Variants in STK33 observed in about 807,000 individuals in gnomAD.
The protein encoded by STK33 is serine/threonine-protein kinase 33.
STK33 carries 52 observed loss-of-function variants against 58.0 expected under a neutral mutation model. The observed-to-expected ratio is 0.90, with a 90% CI of 0.72 to 1.13. The LOEUF is 1.13. Ranked by LOEUF, STK33 falls within the 50% of genes most tolerant of loss-of-function variation. STK33 has a pLI of 0.00. For synonymous variants in STK33, 215 were observed against 200.1 expected (o/e 1.07, Z -0.63); for missense variants, 630 against 604.2 (o/e 1.04, Z -0.45).
At chr11:8,349,908 C>T in the STK33 span, among the ~76,000 whole-genome samples, 2 of 152,372 alleles carry the variant, frequency 1.3e-5, no homozygotes, top group African/African-American at 2.4e-5. Flanking sequence ...AAATCATGTG[C>T]GTCCTCATCT....
At chr11:8,439,739 G>T (rs910007468) in intron 12 of STK33, among the ~76,000 whole-genome samples, 2 of 151,408 alleles carry the variant, frequency 1.3e-5, no homozygotes, top group African/African-American at 4.9e-5. Context: ...AACTGGAAAG[G>T]CATTCTGGAA....
chr11:8,572,343 G>C (rs914450887), intron 1 of STK33, among the ~76,000 whole-genome samples: 2 of 152,062 alleles, frequency 1.3e-5, no homozygotes, highest in Non-Finnish European at 2.9e-5. Flanking sequence ...GTCTCAAAAG[G>C]CTTCATCTGA....
chr11:8,522,074 C>T (rs1279046398), intron 1 of STK33, among the ~76,000 whole-genome samples: 1 of 152,186 alleles, frequency 6.6e-6, no homozygotes, highest in Middle Eastern at 3.2e-3. Flanking sequence ...GTGGCAATTC[C>T]TCAAGTATCT....
intron 9 of STK33, among the ~76,000 whole-genome samples, chr11:8,455,701 C>T (rs552229844): frequency 4.0e-5 from 6 of 149,534 alleles, no homozygotes; most frequent in Non-Finnish European, 5.9e-5. Flanking sequence ...GTCCCAGCTA[C>T]TCGGGAGGCT....
chr11:8,464,069 C>T (rs1947880178), intron 7 of STK33, among the ~76,000 whole-genome samples: 1 of 152,124 alleles, frequency 6.6e-6, no homozygotes, highest in African/African-American at 2.4e-5. Flanking sequence ...GGGGAAAACA[C>T]CATAATGTTG....
At chr11:8,375,672 C>T in the STK33 span, among the ~76,000 whole-genome samples, 1 of 152,010 alleles carries the variant, frequency 6.6e-6, no homozygotes. Flanking sequence ...GGGTGGTTTC[C>T]CCCATGCTGT....
chr11:8,518,398 G>A (rs1439180138), intron 1 of STK33, among the ~76,000 whole-genome samples: 1 of 152,200 alleles, frequency 6.6e-6, no homozygotes, highest in Non-Finnish European at 1.5e-5. Flanking sequence ...ATGCCAAATT[G>A]TAAAGACCAT....
chr11:8,496,387 A>G (rs539295426), intron 1 of STK33, among the ~76,000 whole-genome samples: 2 of 152,288 alleles, frequency 1.3e-5, no homozygotes, highest in East Asian at 3.9e-4. Flanking sequence ...TGGTGCTTCT[A>G]TGATTAGACT....
At position 8,427,593 on chromosome 11, in the gene STK33, CACTTTT is replaced by C. The variant is rs1221651300; in HGVS notation, c.1146+7895_1146+7900del. 6.6e-5 allele frequency among the ~76,000 whole-genome samples: 10 copies of C among 152,066 alleles called. No individual in the cohort carries two copies. The East Asian group carries it at 1.5e-3, about 24-fold the overall frequency. ...GAGACTCCTATTAGATGGATTTTGG[CACTTTT>C]ACTTTTAACCCCATATATCTTTTCT... On this transcript the variant is annotated intron_variant, in intron 14 of 15. Coordinates refer to ENST00000687296, the MANE Select transcript of STK33 (RefSeq NM_001352389.2).
At chr11:8,520,881 G>A (rs1179637787) in intron 1 of STK33, among the ~76,000 whole-genome samples, 5 of 152,042 alleles carry the variant, frequency 3.3e-5, no homozygotes, top group African/African-American at 1.2e-4. Flanking sequence ...TATGCTCATG[G>A]ATAGGAAGAA....
At chr11:8,498,552 A>T (rs1439250624) in intron 1 of STK33, among the ~76,000 whole-genome samples, 1 of 152,246 alleles carries the variant, frequency 6.6e-6, no homozygotes, top group Non-Finnish European at 1.5e-5. Flanking sequence ...CCATCAAGCT[A>T]CCATTGATTT....
At chr11:8,576,230 T>C (rs1958174187) in intron 1 of STK33, among the ~76,000 whole-genome samples, 1 of 152,160 alleles carries the variant, frequency 6.6e-6, no homozygotes, top group Non-Finnish European at 1.5e-5. Flanking sequence ...ACTGCACCCA[T>C]GTCTGGGAAA....
chr11:8,395,910 C>T (rs1849250896), intron 15 of STK33, among the ~76,000 whole-genome samples: 1 of 152,126 alleles, frequency 6.6e-6, no homozygotes, highest in Non-Finnish European at 1.5e-5. Context: ...ATAATCTTAC[C>T]AGTAGCATAC....
chr11:8,383,092 G>A, the STK33 span, among the ~76,000 whole-genome samples: 1,872 of 152,318 alleles, frequency 0.012, 39 homozygotes, highest in African/African-American at 0.042. Flanking sequence ...AGTGACAGAC[G>A]CACAGTGTTC....
intron 1 of STK33, among the ~76,000 whole-genome samples, chr11:8,490,079 G>A (rs1164310910): frequency 6.6e-6 from 1 of 152,204 alleles, no homozygotes; most frequent in African/African-American, 2.4e-5. Context: ...GACAGTGGGT[G>A]CAGCCCATGG....
chr11:8,576,277 A>C (rs938153212), intron 1 of STK33, among the ~76,000 whole-genome samples: 2 of 152,226 alleles, frequency 1.3e-5, no homozygotes, highest in East Asian at 3.9e-4. Flanking sequence ...TGGACAAGAA[A>C]GAACAGTTCA....
At chr11:8,455,579 C>T (rs1342918189) in intron 9 of STK33, among the ~76,000 whole-genome samples, 4 of 151,934 alleles carry the variant, frequency 2.6e-5, no homozygotes, top group East Asian at 1.9e-4. Flanking sequence ...GAGGCTGAGG[C>T]GGGCGGATCA....
rs548833882 is a variant in STK33, at chr11:8,455,897, A to C, written c.698-1065T>G. Among the ~76,000 whole-genome samples the C allele has an allele frequency of 3.3e-5, 5 of 151,590 alleles. No homozygotes were observed. The South Asian group carries it at 1.0e-3, about 32-fold the overall frequency. ...GAGTCCTGCACTGGCAATTATACCT[A>C]ATCATTTATAGCTCCCTTACACAAT... On this transcript the variant is annotated intron_variant, in intron 9 of 15. Transcript: ENST00000687296.
At chr11:8,429,977 G>A (rs1287038778) in intron 14 of STK33, among the ~76,000 whole-genome samples, 1 of 152,096 alleles carries the variant, frequency 6.6e-6, no homozygotes, top group Non-Finnish European at 1.5e-5. Context: ...CTAGCCCACA[G>A]ACCTCATCCA....
Sources: gnomAD v4.1 joint callset for allele counts (sites outside exome capture counted in the v4.1 genomes callset) on GRCh38, gnomAD v4.1.1 for gene constraint, MANE v1.5 for transcripts, NCBI Gene and HGNC (gene_info 2026-07-23, HGNC 2026-07-21) for gene names.